Variants in TAAR5 observed in about 807,000 individuals in gnomAD.
TAAR5 encodes the protein trace amine associated receptor 5.
In TAAR5, 27 loss-of-function variants were observed where a neutral mutation model predicts 21.1. The ratio of observed to expected loss-of-function variants is 1.28; its 90% CI spans 0.94 to 1.76. TAAR5 has a LOEUF of 1.76. Ranked by LOEUF, TAAR5 falls within the 40% of genes most tolerant of loss-of-function variation. TAAR5 has a pLI of 0.00. For missense variants in TAAR5, 495 were observed against 405.6 expected, an observed-to-expected ratio of 1.22 and a Z score of -1.89; for synonymous variants, 203 against 167.5, an observed-to-expected ratio of 1.21 and a Z score of -1.64.
chr6:132,610,788 G>T, the TAAR5 span, among the ~76,000 whole-genome samples: 1 of 152,156 alleles, frequency 6.6e-6, no homozygotes. Flanking sequence ...AGAGCCTTGC[G>T]TTGAGAGTTC....
chr6:132,589,107 G>C lies in TAAR5; in HGVS notation c.580C>G (p.Leu194Val). Residue 194 changes from leucine to valine, a missense_variant, in exon 1 of 1, where the codon CTG (leucine) becomes GTG (valine). Leu to Val is a conservative substitution (Grantham distance 32). Transcript: ENST00000258034. Reference sequence around the variant, plus strand: ...CAGCCCCAAAATTTATTGAGCAGCAGCTGGCAACTGCCCACACAAGGCATC... The same window carrying C: ...CAGCCCCAAAATTTATTGAGCAGCACCTGGCAACTGCCCACACAAGGCATC... ...EEMPCVGSCQLLLNKFWGWLN... is the reference protein window; with the variant it reads ...EEMPCVGSCQVLLNKFWGWLN... The C allele has an allele frequency of 1.2e-6, 2 of 1,613,786 alleles. No individual in the cohort carries two copies. The highest frequency in any genetic ancestry group is 1.3e-5 in the African/African-American group (1 of 75,030).
chr6:132,608,762 C>T, the TAAR5 span: 1 of 455,958 alleles, frequency 2.2e-6, no homozygotes, highest in Middle Eastern at 3.3e-4. Flanking sequence ...ATACCGGAAA[C>T]ATCGGCCTCA....
chr6:132,588,917 G>A lies in TAAR5; in HGVS notation c.770C>T (p.Ala257Val), dbSNP rs1418454086. The change falls in exon 1 of 1, where the codon GCT becomes GTT. Residue 257 changes from alanine (A) to valine (V), a missense_variant. Physicochemically the swap from Ala to Val is moderately conservative, Grantham distance 64 (BLOSUM62 0). Coordinates refer to ENST00000258034, the MANE Select transcript of TAAR5 (RefSeq NM_003967.3). ...CCAGCACAAGAGGTATATGCCCACA[G>A]CAATGCCCAGGGTCTTGGCAGCTTT... ...ERKAAKTLGI[A>V]VGIYLLCWLP... The A allele has an allele frequency of 6.2e-7, 1 of 1,614,152 alleles. No homozygotes were observed. Among genetic ancestry groups the A allele is most frequent in the South Asian group, 1.1e-5 (1 of 91,080 alleles).
upstream of TAAR5, among the ~76,000 whole-genome samples, chr6:132,593,548 C>T (rs1375577435): frequency 6.6e-6 from 1 of 152,162 alleles, no homozygotes; most frequent in African/African-American, 2.4e-5. Flanking sequence ...ATGGCTGCTT[C>T]ACTCTCCTTG....
chr6:132,589,350 G>C lies in TAAR5; in HGVS notation c.337C>G (p.Leu113Val), dbSNP rs1361768194. ...GAGGTGAGGCAGAAGAGGGTGTCCA[G>C]GTAGGTGTGCAGGCGGCAGAGGAAG... ...GDFLCRLHTY[L>V]DTLFCLTSIF... The change falls in exon 1 of 1, where the codon CTG (leucine) becomes GTG (valine). Residue 113 changes from leucine (L) to valine (V), a missense_variant. Physicochemically the swap from Leu to Val is conservative, Grantham distance 32. Transcript: ENST00000258034. 6 of 1,614,030 alleles carry C rather than the reference G, an allele frequency of 3.7e-6. No homozygotes were observed. The South Asian group carries it at 6.6e-5, about 18-fold the overall frequency.
At chr6:132,614,831 T>G in the TAAR5 span, among the ~76,000 whole-genome samples, 2 of 152,132 alleles carry the variant, frequency 1.3e-5, no homozygotes, top group Non-Finnish European at 2.9e-5. Flanking sequence ...CCTGGGTTTT[T>G]TGTTCGTTTG....
chr6:132,607,814 G>A, the TAAR5 span, among the ~76,000 whole-genome samples: 4 of 152,128 alleles, frequency 2.6e-5, no homozygotes, highest in Non-Finnish European at 4.4e-5. Flanking sequence ...TCAACCTTAA[G>A]GTACACTTCC....
the TAAR5 span, among the ~76,000 whole-genome samples, chr6:132,596,386 A>C: frequency 6.6e-6 from 1 of 152,186 alleles, no homozygotes; most frequent in African/African-American, 2.4e-5. Context: ...CTGGTGACGA[A>C]TGCGATCTAA....
the TAAR5 span, among the ~76,000 whole-genome samples, chr6:132,605,393 GTATAACCT>G: frequency 6.6e-6 from 1 of 152,166 alleles, no homozygotes; most frequent in Non-Finnish European, 1.5e-5. Context: ...CACAGATTCC[GTATAACCT>G]TACAGCTATC....
the TAAR5 span, among the ~76,000 whole-genome samples, chr6:132,613,846 A>G: frequency 2.5e-4 from 38 of 152,312 alleles, no homozygotes; most frequent in Non-Finnish European, 5.0e-4. Context: ...TGTGCTCTAC[A>G]TGGCACCAAA....
the TAAR5 span, among the ~76,000 whole-genome samples, chr6:132,616,628 C>G: frequency 1.3e-5 from 2 of 152,196 alleles, no homozygotes; most frequent in Non-Finnish European, 2.9e-5. Flanking sequence ...AAAGGCTTAA[C>G]TCTCAGCTAA....
the TAAR5 span, among the ~76,000 whole-genome samples, chr6:132,603,286 GA>G: frequency 1.5e-5 from 2 of 131,148 alleles, no homozygotes; most frequent in Non-Finnish European, 3.1e-5. Context: ...CTGTGTGACA[GA>G]GTAAGACCCT....
chr6:132,601,094 A>AAGGAAGGAAGGG, the TAAR5 span, among the ~76,000 whole-genome samples: 1 of 92,234 alleles, frequency 1.1e-5, no homozygotes, highest in Admixed American at 1.0e-4. Context: ...GGAAGGAGGG[A>AAGGAAGGAAGGG]GGGAAGGAGG....
At chr6:132,593,959 C>T (rs1299378966), upstream of TAAR5, among the ~76,000 whole-genome samples, 1 of 152,154 alleles carries the variant, frequency 6.6e-6, no homozygotes, top group East Asian at 1.9e-4. Context: ...TATGCCCAGG[C>T]TCTCTCCCAC....
chr6:132,593,258 C>G (rs921976632), upstream of TAAR5, among the ~76,000 whole-genome samples: 1 of 152,160 alleles, frequency 6.6e-6, no homozygotes, highest in Non-Finnish European at 1.5e-5. Context: ...GTGCCTGGCT[C>G]TGTCACAACA....
the TAAR5 span, among the ~76,000 whole-genome samples, chr6:132,611,657 G>A: frequency 6.6e-6 from 1 of 152,138 alleles, no homozygotes; most frequent in Non-Finnish European, 1.5e-5. Flanking sequence ...CTTGGCATTT[G>A]AGGAAATAGC....
At chr6:132,613,046 T>C in the TAAR5 span, among the ~76,000 whole-genome samples, 19 of 152,224 alleles carry the variant, frequency 1.2e-4, no homozygotes, top group Non-Finnish European at 2.4e-4. Context: ...TCTTTCACTA[T>C]GTGCAACTTC....
chr6:132,588,949 A>C lies in TAAR5; in HGVS notation c.738T>G (p.His246Gln). Residue 246 changes from histidine (H) to glutamine (Q), a missense_variant, in exon 1 of 1, where the codon CAT (histidine) becomes CAG (glutamine). Transcript: ENST00000258034. ...LSKSLAGAAKHERKAAKTLGI... is the reference protein window; with the variant it reads ...LSKSLAGAAKQERKAAKTLGI... ...CCAGGGTCTTGGCAGCTTTTCTCTC[A>C]TGCTTGGCAGCCCCAGCCAGGCTTT... 6.2e-7 allele frequency: 1 copy of C among 1,614,114 alleles called. No individual in the cohort carries two copies. The highest frequency in any genetic ancestry group is 8.5e-7 in the Non-Finnish European group (1 of 1,179,990).
At chr6:132,593,140 G>T (rs867949950), upstream of TAAR5, among the ~76,000 whole-genome samples, 1 of 152,074 alleles carries the variant, frequency 6.6e-6, no homozygotes, top group Non-Finnish European at 1.5e-5. Context: ...AGAGGCTCTG[G>T]TTCCCTTACA....
Sources: allele counts gnomAD v4.1 joint callset (sites outside exome capture counted in the v4.1 genomes callset), GRCh38; gene constraint gnomAD v4.1.1; transcripts MANE v1.5; gene names NCBI Gene and HGNC (gene_info 2026-07-23, HGNC 2026-07-21).